Variants in DBH observed in about 807,000 individuals in gnomAD.
DBH encodes dopamine beta-hydroxylase (dopamine beta-monooxygenase).
In DBH, 49 loss-of-function variants were observed where a neutral mutation model predicts 64.0. That is an observed-to-expected ratio of 0.77 (90% CI 0.61 to 0.97). The LOEUF is 0.97. DBH is among the 50% of genes least tolerant of loss of function. The pLI, the probability that DBH is intolerant of heterozygous loss-of-function variation, is 0.00. For missense variants in DBH, 828 were observed against 826.6 expected (o/e 1.00, Z -0.02); for synonymous variants, 343 against 347.1 (o/e 0.99, Z 0.13).
chr9:133,658,597 A>T lies in DBH; in HGVS notation c.*150A>T, dbSNP rs1207696973. ...CGCCCCTGCCTGAGACCACGGTCCA[A>T]TCCAGCCTTCTTCCCCCAGGGTCCC... On this transcript the variant is annotated 3_prime_UTR_variant, in exon 12 of 12. Coordinates refer to ENST00000393056, the MANE Select transcript of DBH (RefSeq NM_000787.4). 1 of 922,636 alleles carries T rather than the reference A, an allele frequency of 1.1e-6. No homozygotes were observed. The highest frequency in any genetic ancestry group is 2.8e-5 in the East Asian group (1 of 35,598). 57.2% of individuals were successfully genotyped at this position (922,636 alleles called of 1,614,324 possible). A position where few individuals can be genotyped will look rare whatever the true frequency, so the allele number is the denominator to read the frequency against.
intron 6 of DBH, among the ~76,000 whole-genome samples, chr9:133,650,097 C>A (rs188249656): frequency 6.4e-4 from 97 of 152,304 alleles, no homozygotes; most frequent in African/African-American, 2.2e-3. Flanking sequence ...CATCTCTGGG[C>A]CAGGGTCGGC....
At chr9:133,640,494 G>A (rs1832105631) in intron 2 of DBH, among the ~76,000 whole-genome samples, 1 of 152,220 alleles carries the variant, frequency 6.6e-6, no homozygotes, top group South Asian at 2.1e-4. Context: ...GACCAACTCT[G>A]GGAGTTCATG....
chr9:133,644,186 C>T (rs1197230843), intron 4 of DBH, 32 bp from the exon 5 acceptor site: 3 of 1,549,068 alleles, frequency 1.9e-6, no homozygotes, highest in Non-Finnish European at 1.8e-6. Flanking sequence ...TCTCAGGACA[C>T]ACCCGTCTGT....
At chr9:133,655,612 C>A (rs1832307056) in intron 9 of DBH, 1 of 152,384 alleles carries the variant, frequency 6.6e-6, no homozygotes, top group Non-Finnish European at 1.5e-5. Context: ...TTTGCCCAGT[C>A]CCTTTGTTCT....
At position 133,659,084 on chromosome 9, in the gene DBH, G is replaced by A. The variant is rs1040686408; in HGVS notation, c.*637G>A. The A allele has an allele frequency of 4.6e-5, 7 of 152,218 alleles. No individual in the cohort carries two copies. Among genetic ancestry groups the A allele is most frequent in the South Asian group, 2.1e-4 (1 of 4,820 alleles). The allele number at this position is 152,218 out of a possible 1,614,324, so 9.4% of individuals were successfully genotyped here. A position where few individuals can be genotyped will look rare whatever the true frequency, so the allele number is the denominator to read the frequency against. ...AAAGACGAGGCGGCAAAGATCCAGCGGGGCTTCTGGGCGCCGGTTCCACGT... is the reference window on the plus strand; with the variant it reads ...AAAGACGAGGCGGCAAAGATCCAGCAGGGCTTCTGGGCGCCGGTTCCACGT... On this transcript the variant is annotated 3_prime_UTR_variant, in exon 12 of 12. Transcript: ENST00000393056.
At chr9:133,658,194 T>C (rs1410828772) in intron 11 of DBH, 122 bp from the exon 12 acceptor site, 11 of 1,348,892 alleles carry the variant, frequency 8.2e-6, no homozygotes, top group Admixed American at 1.8e-5. Flanking sequence ...CAGAGTGAGT[T>C]CAGTTTGAGA....
intron 5 of DBH, among the ~76,000 whole-genome samples, chr9:133,646,930 C>G (rs888902142): frequency 1.3e-5 from 2 of 152,180 alleles, no homozygotes; most frequent in African/African-American, 4.8e-5. Context: ...ACAGGTGTGG[C>G]CACACCATAA....
At chr9:133,650,454 CCTTT>C (rs1188790685) in intron 6 of DBH, among the ~76,000 whole-genome samples, 2 of 133,682 alleles carry the variant, frequency 1.5e-5, no homozygotes, top group African/African-American at 3.5e-5. Flanking sequence ...TCTTTTCTTT[CCTTT>C]CTTTTCTTTT....
intron 1 of DBH, among the ~76,000 whole-genome samples, chr9:133,638,463 G>A (rs1362588991): frequency 6.6e-6 from 1 of 152,232 alleles, no homozygotes. Flanking sequence ...AGGGCCCGAG[G>A]CTTTCTTGGG....
At chr9:133,653,028 T>G in intron 9 of DBH, 29 bp downstream of exon 9, 1 of 1,569,868 alleles carries the variant, frequency 6.4e-7, no homozygotes, top group African/African-American at 1.3e-5. Context: ...CCCCTGCACC[T>G]GCCCAGGGCG....
At chr9:133,642,073 G>A (rs1832122126) in intron 2 of DBH, 134 bp from the exon 3 acceptor site, 1 of 1,268,878 alleles carries the variant, frequency 7.9e-7, no homozygotes, top group Non-Finnish European at 1.1e-6. Context: ...AGCCTCAAGG[G>A]TCCCTTATTC....
At chr9:133,647,774 T>C (rs1429423356) in intron 5 of DBH, 72 bp from the exon 6 acceptor site, 1 of 1,587,012 alleles carries the variant, frequency 6.3e-7, no homozygotes, top group African/African-American at 1.3e-5. Context: ...GTCATAGGGA[T>C]AATCTGTCCG....
At position 133,643,453 on chromosome 9, in the gene DBH, A is replaced by G; in HGVS notation, c.785A>G (p.His262Arg). ...ACCAAGGGCAATGAGGCCCTTGTCC[A>G]CCACATGGAAGTCTTCCAGTGCGCC... Reference protein sequence around the residue: ...IVTKGNEALVHHMEVFQCAPE... With the variant: ...IVTKGNEALVRHMEVFQCAPE... The change falls in exon 4 of 12, where the codon CAC becomes CGC. Residue 262 changes from histidine to arginine, a missense_variant. Coordinates refer to ENST00000393056, the MANE Select transcript of DBH (RefSeq NM_000787.4). The surrounding 1 kb of genome is among the most constrained non-coding windows in gnomAD (Gnocchi z 5.3). The G allele has an allele frequency of 1.2e-6, 2 of 1,613,666 alleles. No individual in the cohort carries two copies. Among genetic ancestry groups the G allele is most frequent in the Non-Finnish European group, 1.7e-6 (2 of 1,179,906 alleles).
At position 133,653,496 on chromosome 9, in the gene DBH, C is replaced by T. The variant is rs555336936; in HGVS notation, c.1434+497C>T. 2.1e-4 allele frequency among the ~76,000 whole-genome samples: 32 copies of T among 152,114 alleles called. 1 individual carries two copies. The highest frequency in any genetic ancestry group is 1.5e-3 in the South Asian group (7 of 4,808). ...GCAGAGGTGCGGGGACCTGGGAGGG[C>T]CTTGTCAGAAATGTGGCTGTCACAT... is the stretch of plus-strand genomic sequence containing the variant. On this transcript the variant is annotated intron_variant, in intron 9 of 11. Coordinates refer to ENST00000393056, the MANE Select transcript of DBH (RefSeq NM_000787.4).
chr9:133,658,644 G>A lies in DBH; in HGVS notation c.*197G>A. 1.6e-6 allele frequency: 1 copy of A among 621,626 alleles called. No individual in the cohort carries two copies. Among genetic ancestry groups the A allele is most frequent in the Non-Finnish European group, 2.6e-6 (1 of 378,448 alleles). 38.5% of individuals were successfully genotyped at this position (621,626 alleles called of 1,614,324 possible). On this transcript the variant is annotated 3_prime_UTR_variant, in exon 12 of 12. Transcript: ENST00000393056. ...TCCCCTGCATGGCTGAGAGGGTGTG[G>A]GTGCCCTGTTGACCTACCCTGGACC...
intron 6 of DBH, among the ~76,000 whole-genome samples, chr9:133,649,134 T>C (rs1194650694): frequency 6.6e-6 from 1 of 152,226 alleles, no homozygotes; most frequent in Non-Finnish European, 1.5e-5. Flanking sequence ...ATTTGTGGAC[T>C]TGAGGATCTT....
chr9:133,654,179 C>T (rs1832285943), intron 9 of DBH, among the ~76,000 whole-genome samples: 1 of 152,020 alleles, frequency 6.6e-6, no homozygotes, highest in African/African-American at 2.4e-5. Context: ...TCTCAGCTTG[C>T]TGCAACCTCC....
At chr9:133,647,607 T>G (rs1356932815) in intron 5 of DBH, among the ~76,000 whole-genome samples, 1 of 152,200 alleles carries the variant, frequency 6.6e-6, no homozygotes, top group South Asian at 2.1e-4. Context: ...CAGCAGCTCT[T>G]TCTTCCCAGT....
intron 9 of DBH, among the ~76,000 whole-genome samples, chr9:133,654,129 T>TTTATTTTATTTTATTTTATTTTA (rs1162131142): frequency 9.3e-4 from 142 of 152,254 alleles, no homozygotes; most frequent in Middle Eastern, 3.4e-3. Flanking sequence ...TTTTATTTTT[T>TTTATTTTATTTTATTTTATTTTA]TTTGAGACGG....
Sources: gnomAD v4.1 joint callset for allele counts (sites outside exome capture counted in the v4.1 genomes callset) on GRCh38, gnomAD v4.1.1 for gene constraint, Gnocchi (gnomAD v3.1) non-coding constraint, MANE v1.5 for transcripts, NCBI Gene and HGNC (gene_info 2026-07-23, HGNC 2026-07-21) for gene names.